Variants in FCMR observed in about 807,000 individuals in gnomAD.
The protein encoded by FCMR is immunoglobulin mu Fc receptor.
A neutral mutation model predicts 41.6 loss-of-function variants in FCMR; 34 were observed. That is an observed-to-expected ratio of 0.82 (90% CI 0.62 to 1.09). The LOEUF is 1.09. FCMR is among the 50% of genes least tolerant of loss of function. FCMR has a pLI of 0.00. For missense variants in FCMR, 496 were observed against 512.5 expected (o/e 0.97, Z 0.31); for synonymous variants, 209 against 211.8 (o/e 0.99, Z 0.12).
In FCMR at chr1:206,909,168, C is replaced by G. The variant is rs1287513495; in HGVS notation, c.1044+294G>C. Reference sequence around the variant, plus strand: ...CTTTCACATAACTGTGGAGCTGCCACCTATCATTCTCTGCTAAGCCAGCTG... The same window carrying G: ...CTTTCACATAACTGTGGAGCTGCCAGCTATCATTCTCTGCTAAGCCAGCTG... On this transcript the variant is annotated intron_variant, in intron 7 of 7. Transcript: ENST00000367091. This position sits in a 1 kb window ranked among gnomAD's most constrained non-coding sequence, Gnocchi z 5.0. 6.6e-6 allele frequency among the ~76,000 whole-genome samples: 1 copy of G among 152,196 alleles called. No individual in the cohort carries two copies. The highest frequency in any genetic ancestry group is 1.5e-5 in the Non-Finnish European group (1 of 68,040).
At chr1:206,914,678 C>T (rs1679112984) in intron 1 of FCMR, among the ~76,000 whole-genome samples, 1 of 152,034 alleles carries the variant, frequency 6.6e-6, no homozygotes. Context: ...AGTGATCTGC[C>T]TGCCTCGGCC....
In FCMR at chr1:206,921,904, T is replaced by C; in HGVS notation, c.-50A>G. On this transcript the variant is annotated 5_prime_UTR_variant, in exon 1 of 8. Coordinates refer to ENST00000367091, the MANE Select transcript of FCMR (RefSeq NM_005449.5). ...ATCCAAGAGCCCCTAGAGAGGGGGA[T>C]GGAGACACGCTGCTTACTCAGGAAC... 6.5e-7 allele frequency: 1 copy of C among 1,541,394 alleles called. No individual in the cohort carries two copies.
intron 1 of FCMR, among the ~76,000 whole-genome samples, chr1:206,920,595 G>A (rs1679395808): frequency 6.6e-6 from 1 of 152,116 alleles, no homozygotes; most frequent in South Asian, 2.1e-4. Context: ...AAAGTGTTGG[G>A]GAGTATGGTT....
At chr1:206,914,976 A>G (rs543157827) in intron 1 of FCMR, among the ~76,000 whole-genome samples, 16 of 152,350 alleles carry the variant, frequency 1.1e-4, no homozygotes, top group African/African-American at 2.6e-4. Flanking sequence ...CCCAAACAGC[A>G]TAGAGCCCCC....
In FCMR at chr1:206,910,262, GA is replaced by G; in HGVS notation, c.788del (p.Phe263SerfsTer10). Reference sequence around the variant, plus strand: ...CCACCAGCCCCAGAAGTGCCAGCAGGAAAAGGCCCAGGATGGTCGGGATCAG... The same window carrying G: ...CCACCAGCCCCAGAAGTGCCAGCAGGAAAGGCCCAGGATGGTCGGGATCAG... ...HILIPTILGLFLLALLGLVVK... is the reference protein window; with the variant it reads ...HILIPTILGLXLLALLGLVVK... On this transcript the variant is annotated frameshift_variant, in exon 5 of 8. Transcript: ENST00000367091. LOFTEE classifies it high-confidence loss of function. 6 of 1,588,314 alleles carry G rather than the reference GA, an allele frequency of 3.8e-6. No homozygotes were observed. Among genetic ancestry groups the G allele is most frequent in the East Asian group, 2.3e-5 (1 of 43,914 alleles).
chr1:206,912,971 G>A lies in FCMR; in HGVS notation c.445C>T (p.Gln149Ter), dbSNP rs753811648. The A allele has an allele frequency of 6.2e-6, 10 of 1,613,692 alleles. No individual in the cohort carries two copies. The highest frequency in any genetic ancestry group is 7.6e-6 in the Non-Finnish European group (9 of 1,179,694). ...GAAGAACTGGCATATGCAGGCATCT[G>A]GAACAAATAGGGCAGATGAAACCAT... is the stretch of plus-strand genomic sequence containing the variant. ...PKWFHLPYLF[Q>*]MPAYASSSKF... The change falls in exon 3 of 8, where the codon CAG becomes TAG. Residue 149 changes from glutamine (Q) to a stop codon, truncating the protein, a stop_gained. Transcript: ENST00000367091. LOFTEE classifies it high-confidence loss of function.
In FCMR at chr1:206,904,951, T is replaced by C; in HGVS notation, c.*68A>G. ...GAACACATGAAGCAGGTATTGGACA[T>C]CAGCAGATAGATGAGACTCCTTGGC... On this transcript the variant is annotated 3_prime_UTR_variant, in exon 8 of 8. Coordinates refer to ENST00000367091, the MANE Select transcript of FCMR (RefSeq NM_005449.5). 2 of 1,539,328 alleles carry C rather than the reference T, an allele frequency of 1.3e-6. No individual in the cohort carries two copies. The highest frequency in any genetic ancestry group is 1.8e-6 in the Non-Finnish European group (2 of 1,115,258).
At chr1:206,907,114 T>TGGGG (rs1678695499) in intron 7 of FCMR, among the ~76,000 whole-genome samples, 1 of 22,600 alleles carries the variant, frequency 4.4e-5, no homozygotes, top group Non-Finnish European at 8.4e-5. Flanking sequence ...GGGGGGGGGG[T>TGGGG]GGGGGCGGGG....
intron 1 of FCMR, chr1:206,921,390 C>G: frequency 4.5e-6 from 2 of 448,914 alleles, no homozygotes; most frequent in Non-Finnish European, 9.0e-6. Flanking sequence ...CACTTAAGGC[C>G]ACAAGTTCAA....
chr1:206,915,418 TAGG>T (rs1441483251), intron 1 of FCMR, among the ~76,000 whole-genome samples: 1 of 151,844 alleles, frequency 6.6e-6, no homozygotes, highest in African/African-American at 2.4e-5. Flanking sequence ...GCAGGGGACA[TAGG>T]AGGGGAAGTG....
At position 206,909,975 on chromosome 1, in the gene FCMR, C is replaced by G; in HGVS notation, c.842-107G>C. 7.9e-7 allele frequency: 1 copy of G among 1,260,292 alleles called. No homozygotes were observed. Among genetic ancestry groups the G allele is most frequent in the East Asian group, 3.1e-5 (1 of 31,942 alleles). 78.1% of individuals were successfully genotyped at this position (1,260,292 alleles called of 1,614,324 possible). ...TCCCTCGGGCTTGGCAGTGTCTGAC[C>G]TGGAGATGCTCCAAGCGTGGGGAAT... On this transcript the variant is annotated intron_variant, in intron 5 of 7. Transcript: ENST00000367091. The surrounding 1 kb of genome is among the most constrained non-coding windows in gnomAD (Gnocchi z 5.0).
chr1:206,907,094 G>GA (rs1678687724), intron 7 of FCMR, among the ~76,000 whole-genome samples: 3 of 53,982 alleles, frequency 5.6e-5, no homozygotes, highest in African/African-American at 3.3e-4. Flanking sequence ...GGGTGGGGGG[G>GA]TGGGGGGGTG....
chr1:206,914,780 T>G (rs1002607889), intron 1 of FCMR, among the ~76,000 whole-genome samples: 1 of 152,054 alleles, frequency 6.6e-6, no homozygotes, highest in South Asian at 2.1e-4. Context: ...TCCCCAACCC[T>G]ATTCACAACC....
At chr1:206,907,103 T>TGGGGGGG (rs75679471) in intron 7 of FCMR, among the ~76,000 whole-genome samples, 7 of 43,386 alleles carry the variant, frequency 1.6e-4, no homozygotes, top group African/African-American at 2.5e-4. Context: ...GGTGGGGGGG[T>TGGGGGGG]GGGGGGGGGG....
At chr1:206,905,529 C>A (rs1160952626) in intron 7 of FCMR, among the ~76,000 whole-genome samples, 1 of 152,144 alleles carries the variant, frequency 6.6e-6, no homozygotes, top group African/African-American at 2.4e-5. Context: ...TCACCCTCAG[C>A]ACCTCTGTAA....
intron 1 of FCMR, among the ~76,000 whole-genome samples, chr1:206,916,276 C>T (rs1318900395): frequency 1.3e-5 from 2 of 152,222 alleles, no homozygotes; most frequent in Non-Finnish European, 2.9e-5. Context: ...AGGAATCACC[C>T]TGTGCATCCA....
intron 4 of FCMR, 83 bp from the exon 5 acceptor site, chr1:206,910,423 T>A: frequency 8.9e-7 from 1 of 1,117,472 alleles, no homozygotes; most frequent in Non-Finnish European, 1.2e-6. Context: ...GTAGCCAACG[T>A]TTTTGGAGAT....
intron 1 of FCMR, among the ~76,000 whole-genome samples, 180 bp from the exon 2 acceptor site, chr1:206,914,274 C>T (rs1295602194): frequency 1.3e-5 from 2 of 152,200 alleles, no homozygotes; most frequent in African/African-American, 4.8e-5. Context: ...TCCTTAGCCA[C>T]AGCCTTATCC....
In FCMR at chr1:206,907,942, C is replaced by G. The variant is rs1678745708; in HGVS notation, c.1044+1520G>C. On this transcript the variant is annotated intron_variant, in intron 7 of 7. Transcript: ENST00000367091. ...CCACCTCAAGGTGTTTGACGGCATC[C>G]TACTGCCCTACGACAAGAAAAAGCG... The G allele has an allele frequency of 5.5e-5, 73 of 1,326,728 alleles. No homozygotes were observed. The South Asian group carries it at 8.2e-4, about 15-fold the overall frequency. 82.2% of individuals were successfully genotyped at this position (1,326,728 alleles called of 1,614,324 possible). A position where few individuals can be genotyped will look rare whatever the true frequency, so the allele number is the denominator to read the frequency against.
Sources: allele counts gnomAD v4.1 joint callset (sites outside exome capture counted in the v4.1 genomes callset), GRCh38; gene constraint gnomAD v4.1.1; non-coding constraint Gnocchi (gnomAD v3.1); transcripts MANE v1.5; gene names NCBI Gene and HGNC (gene_info 2026-07-23, HGNC 2026-07-21).